Variants in RCAN2 observed in about 807,000 individuals in gnomAD.
The protein encoded by RCAN2 is calcipressin-2.
Under a neutral mutation model 23.6 loss-of-function variants are expected in RCAN2, and 9 were observed. The observed-to-expected ratio is 0.38, with a 90% CI of 0.23 to 0.67. RCAN2 has a LOEUF of 0.67. Ranked by LOEUF, RCAN2 falls within the 30% of genes least tolerant of loss-of-function variation. RCAN2 has a pLI of 0.51. For synonymous variants in RCAN2, 109 were observed against 115.7 expected (o/e 0.94, Z 0.37); for missense variants, 273 against 302.3 (o/e 0.90, Z 0.72).
intron 2 of RCAN2, among the ~76,000 whole-genome samples, chr6:46,370,871 C>T (rs1464016974): frequency 6.6e-6 from 1 of 152,230 alleles, no homozygotes; most frequent in Non-Finnish European, 1.5e-5. Flanking sequence ...CCCAGGGCAC[C>T]ACTAGAAGTC....
chr6:46,275,764 C>T (rs1283127395), intron 2 of RCAN2, among the ~76,000 whole-genome samples: 1 of 152,190 alleles, frequency 6.6e-6, no homozygotes, highest in East Asian at 1.9e-4. Flanking sequence ...ATTTCTCATG[C>T]TCTATCAGTG....
chr6:46,317,534 T>C (rs1763478190), intron 2 of RCAN2, among the ~76,000 whole-genome samples: 1 of 152,182 alleles, frequency 6.6e-6, no homozygotes, highest in Non-Finnish European at 1.5e-5. Flanking sequence ...TGATCTCGGC[T>C]CACTGCAAGC....
At chr6:46,299,662 C>T (rs1762839597) in intron 2 of RCAN2, among the ~76,000 whole-genome samples, 1 of 151,938 alleles carries the variant, frequency 6.6e-6, no homozygotes, top group Non-Finnish European at 1.5e-5. Context: ...CCACTTATTG[C>T]CTTGAAACCT....
intron 2 of RCAN2, among the ~76,000 whole-genome samples, chr6:46,445,547 C>T (rs935486137): frequency 4.6e-5 from 7 of 152,260 alleles, no homozygotes; most frequent in East Asian, 3.9e-4. Context: ...ATCAGGGAAA[C>T]GTGACAGCAT....
chr6:46,266,080 G>A (rs1273392340), intron 2 of RCAN2, among the ~76,000 whole-genome samples: 2 of 152,142 alleles, frequency 1.3e-5, no homozygotes, highest in Non-Finnish European at 2.9e-5. Flanking sequence ...CAGGTCACAA[G>A]TCTCTAGACC....
At chr6:46,455,840 G>A (rs1196131793) in intron 2 of RCAN2, among the ~76,000 whole-genome samples, 2 of 141,790 alleles carry the variant, frequency 1.4e-5, no homozygotes, top group South Asian at 4.4e-4. Flanking sequence ...CTGGGCAACA[G>A]AGCGAGATTC....
At chr6:46,225,224 A>G (rs1277436736) in intron 4 of RCAN2, among the ~76,000 whole-genome samples, 1 of 152,184 alleles carries the variant, frequency 6.6e-6, no homozygotes, top group African/African-American at 2.4e-5. Context: ...GCTATTGTGA[A>G]TAGTGCCACA....
chr6:46,243,809 CAA>C (rs376524527), intron 4 of RCAN2, among the ~76,000 whole-genome samples: 1 of 55,030 alleles, frequency 1.8e-5, no homozygotes, highest in Non-Finnish European at 3.0e-5. Context: ...GATTCTGTCT[CAA>C]AAAAAAAAAA....
chr6:46,375,256 T>C (rs995817674), intron 2 of RCAN2, among the ~76,000 whole-genome samples: 2 of 152,192 alleles, frequency 1.3e-5, no homozygotes, highest in African/African-American at 4.8e-5. Flanking sequence ...ACTCGCAGTG[T>C]GAAGTTCAAT....
At chr6:46,286,772 G>A (rs1305272419) in intron 2 of RCAN2, among the ~76,000 whole-genome samples, 1 of 152,144 alleles carries the variant, frequency 6.6e-6, no homozygotes, top group Non-Finnish European at 1.5e-5. Flanking sequence ...GGAGGCCGAG[G>A]CAGGTGGATC....
intron 1 of RCAN2, among the ~76,000 whole-genome samples, chr6:46,477,693 C>A (rs562805669): frequency 6.6e-6 from 1 of 152,266 alleles, no homozygotes; most frequent in East Asian, 1.9e-4. Context: ...ATAAAAATAA[C>A]GTCGTTACCA....
intron 4 of RCAN2, among the ~76,000 whole-genome samples, chr6:46,243,728 T>G (rs1306365111): frequency 7.2e-6 from 1 of 138,324 alleles, no homozygotes; most frequent in African/African-American, 2.7e-5. Context: ...GAGAATTGCT[T>G]GAACCCGGGA....
At chr6:46,447,752 T>C (rs1362509681) in intron 2 of RCAN2, among the ~76,000 whole-genome samples, 1 of 151,666 alleles carries the variant, frequency 6.6e-6, no homozygotes, top group Non-Finnish European at 1.5e-5. Context: ...GAACAACTAA[T>C]GGGTCAAAGA....
chr6:46,400,455 C>T (rs981859492), intron 2 of RCAN2, among the ~76,000 whole-genome samples: 1 of 152,080 alleles, frequency 6.6e-6, no homozygotes, highest in Non-Finnish European at 1.5e-5. Context: ...TTCTCTTGTC[C>T]CTTCCCCAGG....
At chr6:46,388,040 G>C (rs995512339) in intron 2 of RCAN2, among the ~76,000 whole-genome samples, 6 of 152,020 alleles carry the variant, frequency 3.9e-5, no homozygotes, top group African/African-American at 1.5e-4. Flanking sequence ...ACTCATAGGT[G>C]GGAATTGAAC....
intron 2 of RCAN2, among the ~76,000 whole-genome samples, chr6:46,331,308 GT>G (rs931941305): frequency 2.7e-4 from 40 of 147,166 alleles, no homozygotes; most frequent in Non-Finnish European, 3.0e-4. Context: ...ACTGCACTCA[GT>G]TTTTTTTTTT....
intron 2 of RCAN2, among the ~76,000 whole-genome samples, chr6:46,266,470 T>C (rs1365829645): frequency 6.6e-6 from 1 of 152,104 alleles, no homozygotes; most frequent in Non-Finnish European, 1.5e-5. Flanking sequence ...CATGAACAAG[T>C]GAAGAAGAGA....
chr6:46,270,832 A>G (rs1214337379), intron 2 of RCAN2, among the ~76,000 whole-genome samples: 1 of 152,162 alleles, frequency 6.6e-6, no homozygotes, highest in African/African-American at 2.4e-5. Flanking sequence ...CCAGAGAGGA[A>G]CCGAGGCCCT....
intron 2 of RCAN2, among the ~76,000 whole-genome samples, chr6:46,278,120 T>C (rs1292441865): frequency 6.6e-6 from 1 of 152,124 alleles, no homozygotes. Flanking sequence ...TCCCTCTTCT[T>C]TGAACAAAAG....
Sources: gnomAD v4.1 joint callset for allele counts (sites outside exome capture counted in the v4.1 genomes callset) on GRCh38, gnomAD v4.1.1 for gene constraint, MANE v1.5 for transcripts, NCBI Gene and HGNC (gene_info 2026-07-23, HGNC 2026-07-21) for gene names.